The following TAF8 variants were observed in gnomAD, a reference collection of about 807,000 sequenced individuals.
The protein encoded by TAF8 is transcription initiation factor TFIID subunit 8.
Under a neutral mutation model 36.5 loss-of-function variants are expected in TAF8, and 47 were observed. The ratio of observed to expected loss-of-function variants is 1.29; its 90% CI spans 1.02 to 1.64. TAF8 has a LOEUF of 1.64. TAF8 is among the 40% of genes most tolerant of loss of function. TAF8 has a pLI of 0.00. For missense variants in TAF8, 420 were observed against 407.6 expected, an observed-to-expected ratio of 1.03 and a Z score of -0.26; for synonymous variants, 175 against 159.5, an observed-to-expected ratio of 1.10 and a Z score of -0.73.
intron 7 of TAF8, among the ~76,000 whole-genome samples, chr6:42,071,950 A>G (rs1765594598): frequency 6.6e-6 from 1 of 152,204 alleles, no homozygotes; most frequent in Non-Finnish European, 1.5e-5. Context: ...CTTGAATACC[A>G]TGAGGCCAAG....
chr6:42,086,273 T>C (rs551778948), downstream of TAF8, among the ~76,000 whole-genome samples: 67 of 152,364 alleles, frequency 4.4e-4, no homozygotes, highest in African/African-American at 1.6e-3. Context: ...GCCAACGCCA[T>C]GTGTTTTACA....
At position 42,078,957 on chromosome 6, in the gene TAF8, A is replaced by T; in HGVS notation, c.*1412A>T. 1 of 653,772 alleles carries T rather than the reference A, an allele frequency of 1.5e-6. No homozygotes were observed. Among genetic ancestry groups the T allele is most frequent in the Non-Finnish European group, 1.9e-6 (1 of 527,576 alleles). 40.5% of individuals were successfully genotyped at this position (653,772 alleles called of 1,614,324 possible). The stretch of plus-strand genomic sequence containing the variant: ...GCCAACATAGTGAAACCCCGTCTCT[A>T]CTAAAAATACAAAAATTAGCCGGGT... On this transcript the variant is annotated 3_prime_UTR_variant, in exon 9 of 9. Transcript: ENST00000372977.
chr6:42,051,549 C>T, intron 2 of TAF8, 36 bp downstream of exon 2: 1 of 1,605,206 alleles, frequency 6.2e-7, no homozygotes, highest in Non-Finnish European at 8.5e-7. Flanking sequence ...TGGAGTCAAC[C>T]CCAACATCAG....
downstream of TAF8, chr6:42,086,794 A>G: frequency 6.5e-7 from 1 of 1,526,976 alleles, no homozygotes; most frequent in Non-Finnish European, 8.9e-7. Context: ...GGTCACCAGG[A>G]GAGCAGCCAC....
rs1765935256 is a variant in TAF8 at position 42,081,845 on chromosome 6, C to T, written c.*4300C>T. On this transcript the variant is annotated 3_prime_UTR_variant, in exon 9 of 9. Coordinates refer to ENST00000372977, the MANE Select transcript of TAF8 (RefSeq NM_138572.3). ...TTAAATGCAAACTCCAGACCTGTGT[C>T]ATTTAATCTAAATGTGTCTATACGT... The T allele has an allele frequency of 1.3e-5, 2 of 152,190 alleles. No individual in the cohort carries two copies. Among genetic ancestry groups the T allele is most frequent in the Admixed American group, 1.3e-4 (2 of 15,278 alleles). The allele number at this position is 152,190 out of a possible 1,614,324, so 9.4% of individuals were successfully genotyped here.
At chr6:42,084,463 G>A (rs764277345), downstream of TAF8, among the ~76,000 whole-genome samples, 35 of 151,896 alleles carry the variant, frequency 2.3e-4, no homozygotes, top group Non-Finnish European at 4.0e-4. Context: ...TTTTTGAGAC[G>A]GAATCTCACC....
Position 42,079,851 on chromosome 6 carries a change from G to C in TAF8, c.*2306G>C, listed in dbSNP as rs1765869529. On this transcript the variant is annotated 3_prime_UTR_variant, in exon 9 of 9. Transcript: ENST00000372977. ...TTACAGGCGTGAGCCACGGTGCCCA[G>C]CCCATCTCTTAGTCTTCCATTCCCT... The C allele has an allele frequency of 1.0e-6, 1 of 985,132 alleles. No individual in the cohort carries two copies. The highest frequency in any genetic ancestry group is 1.7e-5 in the African/African-American group (1 of 57,164). 61.0% of individuals were successfully genotyped at this position (985,132 alleles called of 1,614,324 possible). A position where few individuals can be genotyped will look rare whatever the true frequency, so the allele number is the denominator to read the frequency against.
chr6:42,078,805 A>G lies in TAF8; in HGVS notation c.*1260A>G. ...CGGCTCTATTATGCTGGGACTTGAC[A>G]GAGGAGCCATGGGGTTTAAACAGTA... On this transcript the variant is annotated 3_prime_UTR_variant, in exon 9 of 9. Coordinates refer to ENST00000372977, the MANE Select transcript of TAF8 (RefSeq NM_138572.3). 1 of 985,444 alleles carries G rather than the reference A, an allele frequency of 1.0e-6. No homozygotes were observed. 61.0% of individuals were successfully genotyped at this position (985,444 alleles called of 1,614,324 possible). A position where few individuals can be genotyped will look rare whatever the true frequency, so the allele number is the denominator to read the frequency against.
intron 2 of TAF8, among the ~76,000 whole-genome samples, chr6:42,054,716 A>C (rs1764913657): frequency 6.7e-6 from 1 of 149,074 alleles, no homozygotes; most frequent in Admixed American, 6.7e-5. Flanking sequence ...GGTTCAAGCG[A>C]TTTTCAGCCT....
Position 42,078,573 on chromosome 6 carries a change from G to A in TAF8, c.*1028G>A. 11 of 985,546 alleles carry A rather than the reference G, an allele frequency of 1.1e-5. No homozygotes were observed. Among genetic ancestry groups the A allele is most frequent in the Non-Finnish European group, 1.2e-5 (10 of 829,954 alleles). The allele number at this position is 985,546 out of a possible 1,614,324, so 61.1% of individuals were successfully genotyped here. Reference sequence around the variant, plus strand: ...GGTGGGCAGGAGTCAGGAGTCTTGAGCAGATGCATCACTGTGAAGAAGAAC... The same window carrying A: ...GGTGGGCAGGAGTCAGGAGTCTTGAACAGATGCATCACTGTGAAGAAGAAC... On this transcript the variant is annotated 3_prime_UTR_variant, in exon 9 of 9. Coordinates refer to ENST00000372977, the MANE Select transcript of TAF8 (RefSeq NM_138572.3).
intron 6 of TAF8, among the ~76,000 whole-genome samples, chr6:42,067,322 G>A (rs1015115464): frequency 1.5e-4 from 23 of 152,186 alleles, no homozygotes; most frequent in African/African-American, 3.6e-4. Flanking sequence ...GGGTTCCAGC[G>A]ATTCTTCTGC....
Position 42,078,040 on chromosome 6 carries a change from G to C in TAF8, c.*495G>C, listed in dbSNP as rs1343309030. 1 of 227,350 alleles carries C rather than the reference G, an allele frequency of 4.4e-6. No homozygotes were observed. Among genetic ancestry groups the C allele is most frequent in the Non-Finnish European group, 7.3e-6 (1 of 136,294 alleles). The allele number at this position is 227,350 out of a possible 1,614,324, so 14.1% of individuals were successfully genotyped here. On this transcript the variant is annotated 3_prime_UTR_variant, in exon 9 of 9. Transcript: ENST00000372977. ...CAAAGAGTTGCGATTACAGGTGTGAGCCACCACGCCCAGCTAATTTTTGTA... is the reference window on the plus strand; with the variant it reads ...CAAAGAGTTGCGATTACAGGTGTGACCCACCACGCCCAGCTAATTTTTGTA...
rs758289787 is a variant in TAF8, at chr6:42,068,556, G to A, written c.729G>A (p.Ser243=). Residue 243 remains serine, a synonymous_variant, in exon 7 of 9, where the codon TCG becomes TCA. Coordinates refer to ENST00000372977, the MANE Select transcript of TAF8 (RefSeq NM_138572.3). ...AACAAATGGAAGAGACAGATTCCTC[G>A]GAGCAGGATGAACAGACAGACACAG... The part of the protein sequence containing the change: ...EMQQMEETDS[S]EQDEQTDTEN... 15 of 1,613,960 alleles carry A rather than the reference G, an allele frequency of 9.3e-6. No homozygotes were observed. The highest frequency in any genetic ancestry group is 5.0e-5 in the Admixed American group (3 of 60,020).
intron 6 of TAF8, among the ~76,000 whole-genome samples, chr6:42,067,295 T>C (rs1183016776): frequency 3.3e-5 from 5 of 152,232 alleles, no homozygotes; most frequent in African/African-American, 7.2e-5. Flanking sequence ...CTCTGCTCAC[T>C]GCAACCTCCG....
Position 42,079,995 on chromosome 6 carries a change from TAA to T in TAF8, c.*2462_*2463del, listed in dbSNP as rs5875786. 101 of 927,792 alleles carry T rather than the reference TAA, an allele frequency of 1.1e-4. No homozygotes were observed. Among genetic ancestry groups the T allele is most frequent in the South Asian group, 6.0e-4 (12 of 20,060 alleles). 57.5% of individuals were successfully genotyped at this position (927,792 alleles called of 1,614,324 possible). A position where few individuals can be genotyped will look rare whatever the true frequency, so the allele number is the denominator to read the frequency against. ...TCAGGAACGGAAGAGGGGACGCTAG[TAA>T]AAAAAAAAAAATTGGATTCCCCAAC... is the stretch of plus-strand genomic sequence containing the variant. On this transcript the variant is annotated 3_prime_UTR_variant, in exon 9 of 9. Coordinates refer to ENST00000372977, the MANE Select transcript of TAF8 (RefSeq NM_138572.3).
Position 42,055,992 on chromosome 6 carries a change from TC to T in TAF8, c.343del (p.Gln115ArgfsTer10), listed in dbSNP as rs753566010. ...CTCTCCCTGCTTATGCAAAACGGTCTCAGAGGATGGTCATCACTGCTCGTAA... is the reference window on the plus strand; with the variant it reads ...CTCTCCCTGCTTATGCAAAACGGTCTAGAGGATGGTCATCACTGCTCGTAA... ...DTLPAYAKRS[Q>X]RMVITAPPVT... On this transcript the variant is annotated frameshift_variant, in exon 4 of 9. Transcript: ENST00000372977. LOFTEE classifies it high-confidence loss of function. 6.2e-7 allele frequency: 1 copy of T among 1,613,556 alleles called. No homozygotes were observed.
chr6:42,077,602 A>G lies in TAF8; in HGVS notation c.*57A>G. The G allele has an allele frequency of 6.2e-7, 1 of 1,601,694 alleles. No individual in the cohort carries two copies. The highest frequency in any genetic ancestry group is 1.1e-5 in the South Asian group (1 of 88,844). On this transcript the variant is annotated 3_prime_UTR_variant, in exon 9 of 9. Coordinates refer to ENST00000372977, the MANE Select transcript of TAF8 (RefSeq NM_138572.3). ...GCAGATTCCACCCTCCCGGGGAGTT[A>G]AAGCCACTCAAGGGAAGAAGAGGGT...
intron 5 of TAF8, among the ~76,000 whole-genome samples, chr6:42,059,133 C>T (rs1582221075): frequency 6.6e-6 from 1 of 151,998 alleles, no homozygotes; most frequent in African/African-American, 2.4e-5. Context: ...CCTGTAATCC[C>T]AGCACTTTGG....
intron 4 of TAF8, among the ~76,000 whole-genome samples, chr6:42,056,924 T>G (rs1765010600): frequency 6.6e-6 from 1 of 152,154 alleles, no homozygotes; most frequent in Non-Finnish European, 1.5e-5. Flanking sequence ...TTCTTTAAAG[T>G]CACTTTTTTC....
Sources: allele counts gnomAD v4.1 joint callset (sites outside exome capture counted in the v4.1 genomes callset), GRCh38; gene constraint gnomAD v4.1.1; transcripts MANE v1.5; gene names NCBI Gene and HGNC (gene_info 2026-07-23, HGNC 2026-07-21).